The following NDUFA10 variants were observed in gnomAD, a reference collection of about 807,000 sequenced individuals.
The protein encoded by NDUFA10 is NADH:ubiquinone oxidoreductase subunit A10.
NDUFA10 carries 40 observed loss-of-function variants against 47.8 expected under a neutral mutation model. That is an observed-to-expected ratio of 0.84 (90% CI 0.65 to 1.09). The LOEUF is 1.09. NDUFA10 is among the 50% of genes least tolerant of loss of function. The probability of loss-of-function intolerance (pLI) is 0.00; values close to 1 mark genes in which losing one functional copy is unlikely to be tolerated. For missense variants in NDUFA10, 413 were observed against 451.1 expected, an observed-to-expected ratio of 0.92 and a Z score of 0.76; for synonymous variants, 183 against 172.2, an observed-to-expected ratio of 1.06 and a Z score of -0.49.
intron 6 of NDUFA10, among the ~76,000 whole-genome samples, chr2:240,010,855 T>C (rs1044612609): frequency 7.4e-6 from 1 of 134,742 alleles, no homozygotes; most frequent in Non-Finnish European, 1.5e-5. Flanking sequence ...TGCTATACTT[T>C]TGTTTTTATT....
Position 239,960,726 on chromosome 2 carries a change from T to C in NDUFA10, c.*392A>G, listed in dbSNP as rs1328914270. On this transcript the variant is annotated 3_prime_UTR_variant, in exon 10 of 10. Coordinates refer to ENST00000252711, the MANE Select transcript of NDUFA10 (RefSeq NM_004544.4). ...CGACGTGCCCGCACGCACATAGACG[T>C]ACGATGGGGAAATTCCCATGGAAAC... 1.7e-6 allele frequency: 2 copies of C among 1,185,314 alleles called. No individual in the cohort carries two copies. The highest frequency in any genetic ancestry group is 1.1e-4 in the East Asian group (2 of 17,838). 73.4% of individuals were successfully genotyped at this position (1,185,314 alleles called of 1,614,324 possible).
Position 239,912,620 on chromosome 2 carries a change from G to A in NDUFA10, c.295-17306C>T, listed in dbSNP as rs149914507. Among the ~76,000 whole-genome samples the A allele has an allele frequency of 3.5e-4, 54 of 152,248 alleles. 1 individual carries two copies. The highest frequency in any genetic ancestry group is 1.3e-3 in the African/African-American group (52 of 41,546). On this transcript the variant is annotated intron_variant, in intron 4 of 5. Coordinates refer to the NDUFA10 transcript ENST00000419408. ...GGCTCAGCATTGGTGTCTGTTGCTCGTAGGCTGGACATCTGGCAGTAGGTG... is the reference window on the plus strand; with the variant it reads ...GGCTCAGCATTGGTGTCTGTTGCTCATAGGCTGGACATCTGGCAGTAGGTG...
In NDUFA10 at chr2:240,002,330, C is replaced by CAAA. The variant is rs61475593; in HGVS notation, c.890+2877_890+2879dup. Among the ~76,000 whole-genome samples the CAAA allele has an allele frequency of 1.8e-3, 147 of 83,744 alleles. 5 individuals are homozygous for CAAA. Among genetic ancestry groups the CAAA allele is most frequent in the African/African-American group, 8.0e-3 (141 of 17,542 alleles). 54.9% of individuals were successfully genotyped at this position (83,744 alleles called of 152,430 possible). On this transcript the variant is annotated intron_variant, in intron 8 of 9. Coordinates refer to ENST00000252711, the MANE Select transcript of NDUFA10 (RefSeq NM_004544.4). ...GGGCAACAAGAGCAAAACTCTGACTCAAAAAAAAAAAAAAAAAAAAAAAAA... is the reference window on the plus strand; with the variant it reads ...GGGCAACAAGAGCAAAACTCTGACTCAAAAAAAAAAAAAAAAAAAAAAAAAAAA...
At chr2:239,954,354 C>T, downstream of NDUFA10, among the ~76,000 whole-genome samples, 1 of 152,266 alleles carries the variant, frequency 6.6e-6, no homozygotes, top group South Asian at 2.1e-4. Context: ...GACGGTCGGG[C>T]TGTGACCGCC....
At chr2:239,937,034 G>A (rs985331813) in intron 4 of NDUFA10, among the ~76,000 whole-genome samples, 5 of 152,156 alleles carry the variant, frequency 3.3e-5, no homozygotes, top group African/African-American at 7.2e-5. Flanking sequence ...CCCTCCCCTC[G>A]TGTGTCCATG....
At chr2:240,018,954 C>T (rs1697488600) in intron 3 of NDUFA10, among the ~76,000 whole-genome samples, 2 of 152,112 alleles carry the variant, frequency 1.3e-5, no homozygotes, top group Non-Finnish European at 2.9e-5. Flanking sequence ...CCTGCTCCTG[C>T]CCCCACCATT....
chr2:239,970,293 A>G (rs1437925385), intron 9 of NDUFA10, among the ~76,000 whole-genome samples: 2 of 152,228 alleles, frequency 1.3e-5, no homozygotes, highest in African/African-American at 2.4e-5. Flanking sequence ...CTAGAATTCT[A>G]TATCAAAAGA....
At chr2:239,949,442 C>A (rs918031826) in intron 4 of NDUFA10, among the ~76,000 whole-genome samples, 2 of 152,166 alleles carry the variant, frequency 1.3e-5, no homozygotes, top group Admixed American at 6.5e-5. Flanking sequence ...CAGGCATCCT[C>A]CAGTCCACTG....
rs951152402 is a variant in NDUFA10, at chr2:239,952,129, G to A, written c.294+37945C>T. Reference sequence around the variant, plus strand: ...AGCAACACATGTGCCACACCTGCTCGCAGAGGGCAGACAGCCTGGCTGCGT... The same window carrying A: ...AGCAACACATGTGCCACACCTGCTCACAGAGGGCAGACAGCCTGGCTGCGT... On this transcript the variant is annotated intron_variant, in intron 4 of 5. Coordinates refer to the NDUFA10 transcript ENST00000419408. Among the ~76,000 whole-genome samples, 5 of 152,280 alleles carry A rather than the reference G, an allele frequency of 3.3e-5. No individual in the cohort carries two copies. In the South Asian group the frequency reaches 8.3e-4, roughly 25 times the overall value.
At chr2:239,955,439 T>G (rs1166335405), downstream of NDUFA10, among the ~76,000 whole-genome samples, 1 of 152,218 alleles carries the variant, frequency 6.6e-6, no homozygotes, top group African/African-American at 2.4e-5. Flanking sequence ...GCTAAGAGCT[T>G]GTCCTCATCA....
chr2:239,982,820 G>C (rs2106430871), intron 9 of NDUFA10, among the ~76,000 whole-genome samples: 1 of 152,282 alleles, frequency 6.6e-6, no homozygotes, highest in East Asian at 1.9e-4. Flanking sequence ...TTATAGTTAG[G>C]GTTTGATTTT....
intron 4 of NDUFA10, among the ~76,000 whole-genome samples, chr2:239,913,339 T>C (rs1054880904): frequency 6.6e-6 from 1 of 152,228 alleles, no homozygotes; most frequent in Non-Finnish European, 1.5e-5. Context: ...ACCACTTCCA[T>C]CTTGTGCGGG....
intron 9 of NDUFA10, among the ~76,000 whole-genome samples, chr2:239,961,397 T>C (rs1413724004): frequency 1.3e-5 from 2 of 152,212 alleles, no homozygotes; most frequent in Admixed American, 6.5e-5. Flanking sequence ...CAGAAGCTTC[T>C]GTCCTAGGGC....
At chr2:239,979,348 T>C (rs1695673445) in intron 9 of NDUFA10, among the ~76,000 whole-genome samples, 1 of 145,592 alleles carries the variant, frequency 6.9e-6, no homozygotes, top group Non-Finnish European at 1.5e-5. Context: ...ACCCCTCTCC[T>C]CCAGTCACAC....
rs911967235 is a variant in NDUFA10, at chr2:239,958,169, T to C, written c.*2949A>G. 6.6e-6 allele frequency: 1 copy of C among 152,006 alleles called. No individual in the cohort carries two copies. The highest frequency in any genetic ancestry group is 2.4e-5 in the African/African-American group (1 of 41,372). The allele number at this position is 152,006 out of a possible 1,614,324, so 9.4% of individuals were successfully genotyped here. On this transcript the variant is annotated 3_prime_UTR_variant, in exon 10 of 10. Coordinates refer to ENST00000252711, the MANE Select transcript of NDUFA10 (RefSeq NM_004544.4). ...CAAGCTTTTCTTCAAAAAGCCCCAA[T>C]TTCTGACAGCCATGGCAGCTTTCCC...
In NDUFA10 at chr2:240,019,633, A is replaced by C. The variant is rs554979366; in HGVS notation, c.461-994T>G. Among the ~76,000 whole-genome samples the C allele has an allele frequency of 1.1e-4, 4 of 35,192 alleles. 2 individuals are homozygous for C. The Admixed American group carries it at 1.3e-3, about 11-fold the overall frequency. 23.1% of individuals were successfully genotyped at this position (35,192 alleles called of 152,430 possible). On this transcript the variant is annotated intron_variant, in intron 3 of 9. Coordinates refer to ENST00000252711, the MANE Select transcript of NDUFA10 (RefSeq NM_004544.4). The stretch of plus-strand genomic sequence containing the variant: ...GGAGATCGAGACCATCCCGGCTAAA[A>C]CGGTGAAACCCCGTCTCTACTAAAA...
downstream of NDUFA10, among the ~76,000 whole-genome samples, chr2:239,955,905 C>T (rs74501075): frequency 4.8e-3 from 724 of 152,242 alleles, 13 homozygotes; most frequent in East Asian, 0.043. Context: ...GGCAGCAGAG[C>T]CCGGAGTCAG....
chr2:239,947,348 G>A (rs1163632806), intron 4 of NDUFA10, among the ~76,000 whole-genome samples: 1 of 152,204 alleles, frequency 6.6e-6, no homozygotes, highest in Non-Finnish European at 1.5e-5. Flanking sequence ...CAGAGCTCCT[G>A]AGGCCCACAG....
At chr2:239,896,690 G>C (rs72993912) in intron 4 of NDUFA10, among the ~76,000 whole-genome samples, 3,213 of 152,354 alleles carry the variant, frequency 0.021, 37 homozygotes, top group Non-Finnish European at 0.03. Flanking sequence ...TAGAGGTAAA[G>C]GAAGTCTTCT....
Sources: allele counts gnomAD v4.1 joint callset (sites outside exome capture counted in the v4.1 genomes callset), GRCh38; gene constraint gnomAD v4.1.1; transcripts MANE v1.5; gene names NCBI Gene and HGNC (gene_info 2026-07-23, HGNC 2026-07-21).